JCAD: variants seen among roughly 807,000 people sequenced by gnomAD.
The protein encoded by JCAD is junctional cadherin 5 associated, also known as junctional cadherin 5-associated protein.
In JCAD, 40 loss-of-function variants were observed where a neutral mutation model predicts 98.0. The observed-to-expected ratio is 0.41, with a 90% CI of 0.32 to 0.53. The LOEUF (loss-of-function observed/expected upper bound fraction) is 0.53, where lower values mean the gene tolerates loss of function less well. JCAD is among the 20% of genes least tolerant of loss of function. JCAD has a pLI of 0.31. For synonymous variants in JCAD, 691 were observed against 682.3 expected (o/e 1.01, Z -0.20); for missense variants, 1,705 against 1,738.1 (o/e 0.98, Z 0.34).
At position 30,049,101 on chromosome 10, in the gene JCAD, T is replaced by A. The variant is rs145510046; in HGVS notation, c.-59-1230A>T. Among the ~76,000 whole-genome samples, 689 of 152,308 alleles carry A rather than the reference T, an allele frequency of 4.5e-3. 10 individuals are homozygous for A. In the South Asian group the frequency reaches 0.05, roughly 11 times the overall value. ...GAGAGCCGCCCTGTTTATTCCTACA[T>A]GAGAACATCTTTCTTCCTAAGTCTT... is the stretch of plus-strand genomic sequence containing the variant. On this transcript the variant is annotated intron_variant, in intron 1 of 3. Coordinates refer to ENST00000375377, the MANE Select transcript of JCAD (RefSeq NM_020848.4).
Position 30,027,408 on chromosome 10 carries a change from C to T in JCAD, c.2740G>A (p.Glu914Lys). Reference sequence around the variant, plus strand: ...GGCTGCAGCTCCTCACTCCAGCTCTCAGACTTACTCTCACCTCTTCCCGAC... The same window carrying T: ...GGCTGCAGCTCCTCACTCCAGCTCTTAGACTTACTCTCACCTCTTCCCGAC... Reference protein sequence around the residue: ...CRSGRGESKSESWSEELQPGH... With the variant: ...CRSGRGESKSKSWSEELQPGH... The change falls in exon 3 of 4, where the codon GAG becomes AAG. Residue 914 changes from glutamate to lysine, a missense_variant. Glu to Lys is a moderately conservative substitution (Grantham distance 56, BLOSUM62 1). Coordinates refer to ENST00000375377, the MANE Select transcript of JCAD (RefSeq NM_020848.4). The T allele has an allele frequency of 6.2e-7, 1 of 1,605,206 alleles. No individual in the cohort carries two copies. Among genetic ancestry groups the T allele is most frequent in the African/African-American group, 1.3e-5 (1 of 74,840 alleles).
upstream of JCAD, among the ~76,000 whole-genome samples, chr10:30,063,266 A>G (rs1361613428): frequency 6.6e-6 from 1 of 152,032 alleles, no homozygotes; most frequent in Non-Finnish European, 1.5e-5. Context: ...GCCAGGATCC[A>G]GCCCTGGATG....
At chr10:30,035,759 A>G (rs912542787) in intron 2 of JCAD, among the ~76,000 whole-genome samples, 8 of 152,252 alleles carry the variant, frequency 5.3e-5, no homozygotes, top group Admixed American at 2.6e-4. Flanking sequence ...ACATTAACAC[A>G]GGGTGGGAAA....
intron 1 of JCAD, among the ~76,000 whole-genome samples, chr10:30,052,501 G>A (rs1837491277): frequency 6.6e-6 from 1 of 152,180 alleles, no homozygotes; most frequent in Non-Finnish European, 1.5e-5. Flanking sequence ...TCTGAAGACA[G>A]AACCTCTGAC....
chr10:30,101,566 C>A (rs1442671287), intron 1 of JCAD, among the ~76,000 whole-genome samples: 1 of 151,992 alleles, frequency 6.6e-6, no homozygotes, highest in Non-Finnish European at 1.5e-5. Context: ...CAGGGTCTCA[C>A]TATGTTGGCC....
intron 2 of JCAD, among the ~76,000 whole-genome samples, chr10:30,068,301 G>A (rs998299347): frequency 2.1e-5 from 3 of 141,038 alleles, no homozygotes; most frequent in Non-Finnish European, 4.5e-5. Flanking sequence ...TGAGGCAGGA[G>A]AATCTCTTGA....
chr10:30,043,328 AG>A (rs2132638242), intron 2 of JCAD, among the ~76,000 whole-genome samples: 1 of 137,836 alleles, frequency 7.3e-6, no homozygotes. Flanking sequence ...AAAGGGAAAA[AG>A]AAAAAAAAAA....
chr10:30,054,633 T>G (rs1837530776), intron 1 of JCAD, among the ~76,000 whole-genome samples: 1 of 151,960 alleles, frequency 6.6e-6, no homozygotes, highest in Admixed American at 6.5e-5. Context: ...AAAAAAACTT[T>G]CATAAATGAA....
intron 1 of JCAD, among the ~76,000 whole-genome samples, chr10:30,096,620 A>AT (rs1209765865): frequency 0.022 from 3,114 of 140,002 alleles, 37 homozygotes; most frequent in Middle Eastern, 0.056. Context: ...ATGAGCTGGG[A>AT]TTTTTTTTTT....
At chr10:30,023,688 G>C (rs1284175278) in intron 3 of JCAD, among the ~76,000 whole-genome samples, 1 of 151,950 alleles carries the variant, frequency 6.6e-6, no homozygotes, top group East Asian at 1.9e-4. Context: ...ATCAGATGGA[G>C]AGGAGAAAAA....
At chr10:30,087,881 G>T (rs772182878) in intron 1 of JCAD, among the ~76,000 whole-genome samples, 1 of 152,156 alleles carries the variant, frequency 6.6e-6, no homozygotes, top group African/African-American at 2.4e-5. Flanking sequence ...TCACTCTGTC[G>T]CCAGGCTGGC....
At chr10:30,024,612 G>A (rs911906387) in intron 3 of JCAD, among the ~76,000 whole-genome samples, 1 of 152,028 alleles carries the variant, frequency 6.6e-6, no homozygotes, top group Non-Finnish European at 1.5e-5. Context: ...TTTGCATAAG[G>A]AGCAGAGAAG....
At chr10:30,058,923 G>A (rs568253001) in intron 1 of JCAD, among the ~76,000 whole-genome samples, 42 of 152,290 alleles carry the variant, frequency 2.8e-4, no homozygotes, top group African/African-American at 9.6e-4. Flanking sequence ...GAGCGGGAGC[G>A]GGGCCGCGGC....
At chr10:30,108,759 A>G (rs773487424) in intron 1 of JCAD, among the ~76,000 whole-genome samples, 24 of 152,086 alleles carry the variant, frequency 1.6e-4, no homozygotes, top group Non-Finnish European at 2.2e-4. Flanking sequence ...TAGCTAACAA[A>G]TGCCTTCTTC....
At position 30,012,932 on chromosome 10, in the gene JCAD, C is replaced by A. The variant is rs1456486389; in HGVS notation, c.*4951G>T. 6.6e-6 allele frequency: 1 copy of A among 152,372 alleles called. No individual in the cohort carries two copies. Among genetic ancestry groups the A allele is most frequent in the Non-Finnish European group, 1.5e-5 (1 of 68,178 alleles). The allele number at this position is 152,372 out of a possible 1,614,324, so 9.4% of individuals were successfully genotyped here. ...CTTGAAGACATTCATCTGTGCTTTGCCGGCATTTTATCTGCTACTTTGTCC... is the reference window on the plus strand; with the variant it reads ...CTTGAAGACATTCATCTGTGCTTTGACGGCATTTTATCTGCTACTTTGTCC... On this transcript the variant is annotated 3_prime_UTR_variant, in exon 4 of 4. Transcript: ENST00000375377.
upstream of JCAD, among the ~76,000 whole-genome samples, chr10:30,061,516 T>TG (rs1837700383): frequency 6.7e-6 from 1 of 148,622 alleles, no homozygotes; most frequent in Non-Finnish European, 1.5e-5. Context: ...CACTCCAGCC[T>TG]GGGCAATAGA....
intron 3 of JCAD, among the ~76,000 whole-genome samples, chr10:30,024,152 G>A (rs1282166379): frequency 6.6e-6 from 1 of 152,186 alleles, no homozygotes; most frequent in Non-Finnish European, 1.5e-5. Context: ...GCCACAGAGT[G>A]AGACTCTGTC....
rs548423574 is a variant in JCAD, at chr10:30,098,219, CTT to C, written n.128+17146_128+17147del. 1.1e-4 allele frequency among the ~76,000 whole-genome samples: 17 copies of C among 152,278 alleles called. No homozygotes were observed. The East Asian group carries it at 2.9e-3, about 26-fold the overall frequency. ...TCAGTTTATATGACTTCTCCTGACTCTTTGTTCTCTAGCTAGGCTGATCGTCC... is the reference window on the plus strand; with the variant it reads ...TCAGTTTATATGACTTCTCCTGACTCTGTTCTCTAGCTAGGCTGATCGTCC... On this transcript the variant is annotated intron_variant and non_coding_transcript_variant, in intron 1 of 2. Transcript: ENST00000465712.
intron 3 of JCAD, among the ~76,000 whole-genome samples, chr10:30,022,888 ATT>A (rs1310731406): frequency 6.6e-6 from 1 of 152,090 alleles, no homozygotes; most frequent in Non-Finnish European, 1.5e-5. Context: ...GTGTAGAGGA[ATT>A]TTCTAGGCCT....
Sources: allele counts gnomAD v4.1 joint callset (sites outside exome capture counted in the v4.1 genomes callset), GRCh38; gene constraint gnomAD v4.1.1; transcripts MANE v1.5; gene names NCBI Gene and HGNC (gene_info 2026-07-23, HGNC 2026-07-21).